The following PLCB2 variants were observed in gnomAD, a reference collection of about 807,000 sequenced individuals.
The protein encoded by PLCB2 is phospholipase C beta 2.
In PLCB2, 115 loss-of-function variants were observed where a neutral mutation model predicts 141.7. That is an observed-to-expected ratio of 0.81 (90% CI 0.70 to 0.95). The LOEUF (loss-of-function observed/expected upper bound fraction) is 0.95. PLCB2 is among the 40% of genes least tolerant of loss of function. PLCB2 has a pLI of 0.00. For missense variants in PLCB2, 1,403 were observed against 1,541.1 expected (o/e 0.91, Z 1.50); for synonymous variants, 603 against 595.6 (o/e 1.01, Z -0.18).
In PLCB2 at chr15:40,289,369, G is replaced by A. The variant is rs1595624497; in HGVS notation, c.3268-11C>T. ...CAAGTTCTCCGTCATCTGGGTGGGA[G>A]TGGATGGCAGAGAATCAGGACAACA... On this transcript the variant is annotated splice_polypyrimidine_tract_variant and intron_variant, in intron 30 of 31. Transcript: ENST00000260402. 2.5e-6 allele frequency: 4 copies of A among 1,605,500 alleles called. No homozygotes were observed. Among genetic ancestry groups the A allele is most frequent in the Non-Finnish European group, 3.4e-6 (4 of 1,172,308 alleles).
Position 40,293,595 on chromosome 15 carries a change from G to T in PLCB2, c.2191C>A (p.Pro731Thr). 1.9e-6 allele frequency: 3 copies of T among 1,614,084 alleles called. No homozygotes were observed. Among genetic ancestry groups the T allele is most frequent in the Non-Finnish European group, 2.5e-6 (3 of 1,179,978 alleles). The change falls in exon 20 of 32, where the codon CCT becomes ACT. Residue 731 changes from proline (P) to threonine (T), a missense_variant. Coordinates refer to ENST00000260402, the MANE Select transcript of PLCB2 (RefSeq NM_004573.3). ...ACAAAGGGCTCCTCCTTCCAGACAG[G>T]ATTGATGGAGTTAGTACTGGGTGAC... The part of the protein sequence containing the change: ...KLSPSTNSIN[P>T]VWKEEPFVFE...
intron 1 of PLCB2, among the ~76,000 whole-genome samples, chr15:40,305,390 G>A (rs1405586088): frequency 1.3e-5 from 2 of 152,042 alleles, no homozygotes; most frequent in Non-Finnish European, 2.9e-5. Context: ...GAAGTTGTAG[G>A]CATAACAGAC....
rs2039855459 is a variant in PLCB2 at position 40,290,855 on chromosome 15, A to G, written c.3037-18T>C. 6.2e-7 allele frequency: 1 copy of G among 1,606,678 alleles called. No individual in the cohort carries two copies. Among genetic ancestry groups the G allele is most frequent in the Non-Finnish European group, 8.5e-7 (1 of 1,177,174 alleles). Reference sequence around the variant, plus strand: ...GAGATTTGCTGCAGGGAGAGGAAGTAAGCTTGGCGAGAAGCCCTTTGTTGT... The same window carrying G: ...GAGATTTGCTGCAGGGAGAGGAAGTGAGCTTGGCGAGAAGCCCTTTGTTGT... On this transcript the variant is annotated intron_variant, in intron 27 of 31. Coordinates refer to ENST00000260402, the MANE Select transcript of PLCB2 (RefSeq NM_004573.3).
At chr15:40,291,514 A>C (rs2039924177) in intron 25 of PLCB2, 27 bp from the exon 26 acceptor site, 1 of 1,597,768 alleles carries the variant, frequency 6.3e-7, no homozygotes, top group Non-Finnish European at 8.5e-7. Flanking sequence ...GAGGCGCAAC[A>C]CCGGCCAGGC....
At chr15:40,284,764 T>C (rs562803097), downstream of PLCB2, among the ~76,000 whole-genome samples, 169 of 128,178 alleles carry the variant, frequency 1.3e-3, no homozygotes, top group South Asian at 2.3e-3. Flanking sequence ...TGCTTGAACC[T>C]GGGAGGCAGA....
chr15:40,298,185 A>C (rs1369105676), intron 11 of PLCB2, 38 bp downstream of exon 11: 3 of 1,527,636 alleles, frequency 2.0e-6, no homozygotes, highest in Admixed American at 4.2e-5. Flanking sequence ...GCCCTTCCCT[A>C]CTGCCACGGC....
intron 11 of PLCB2, 30 bp downstream of exon 11, chr15:40,298,193 G>T (rs372001952): frequency 6.5e-7 from 1 of 1,531,104 alleles, no homozygotes; most frequent in African/African-American, 1.4e-5. Context: ...CTACTGCCAC[G>T]GCCACCAGCC....
chr15:40,307,600 T>C lies in PLCB2; in HGVS notation c.73A>G (p.Lys25Glu). Reference protein sequence around the residue: ...AYLSQGERFIKWDDETTVASP... With the variant: ...AYLSQGERFIEWDDETTVASP... Reference sequence around the variant, plus strand: ...CCTGCCCCACTTACATCATCCCATTTGATGAAGCGCTCCCCTTGGCTCAGA... The same window carrying C: ...CCTGCCCCACTTACATCATCCCATTCGATGAAGCGCTCCCCTTGGCTCAGA... The change falls in exon 1 of 32, where the codon AAA becomes GAA. Residue 25 changes from lysine (K) to glutamate (E), a missense_variant. Coordinates refer to ENST00000260402, the MANE Select transcript of PLCB2 (RefSeq NM_004573.3). 6.3e-7 allele frequency: 1 copy of C among 1,586,798 alleles called. No individual in the cohort carries two copies. The highest frequency in any genetic ancestry group is 2.3e-5 in the East Asian group (1 of 42,992).
intron 21 of PLCB2, among the ~76,000 whole-genome samples, chr15:40,292,672 G>A (rs762034087): frequency 6.6e-6 from 1 of 152,194 alleles, no homozygotes; most frequent in Non-Finnish European, 1.5e-5. Context: ...TAAGCCCTTA[G>A]CAAATTTTAA....
chr15:40,284,706 G>A (rs2039584373), downstream of PLCB2, among the ~76,000 whole-genome samples: 1 of 152,060 alleles, frequency 6.6e-6, no homozygotes, highest in East Asian at 1.9e-4. Context: ...TGGGCGCGGT[G>A]GCACGCGCCT....
At chr15:40,305,284 T>G (rs1452383466) in intron 1 of PLCB2, among the ~76,000 whole-genome samples, 1 of 151,910 alleles carries the variant, frequency 6.6e-6, no homozygotes, top group Non-Finnish European at 1.5e-5. Flanking sequence ...CCTGTCAACC[T>G]GTCATCTAGG....
downstream of PLCB2, among the ~76,000 whole-genome samples, chr15:40,286,851 G>GCATAGCAGAGA (rs2039619318): frequency 1.3e-5 from 2 of 152,226 alleles, no homozygotes; most frequent in African/African-American, 4.8e-5. Flanking sequence ...AGGCCTCTCC[G>GCATAGCAGAGA]GGGGCAGGAT....
rs28395844 is a variant in PLCB2, at chr15:40,296,947, T to A, written c.1324-39A>T. The A allele has an allele frequency of 1.9e-6, 3 of 1,607,622 alleles. No homozygotes were observed. In the African/African-American group the frequency reaches 4.0e-5, roughly 22 times the overall value. ...AGCAGGTCAGCACCATCTTCTCACC[T>A]TCATGGCATAGCCTGAGCTCCTTAT... On this transcript the variant is annotated intron_variant, in intron 13 of 31. Transcript: ENST00000260402.
chr15:40,302,598 G>T lies in PLCB2; in HGVS notation c.243C>A (p.Leu81=). The T allele has an allele frequency of 6.2e-7, 1 of 1,614,182 alleles. No homozygotes were observed. The highest frequency in any genetic ancestry group is 8.5e-7 in the Non-Finnish European group (1 of 1,180,010). The change falls in exon 4 of 32, where the codon CTC becomes CTA. Residue 81 remains leucine, a synonymous_variant. Coordinates refer to ENST00000260402, the MANE Select transcript of PLCB2 (RefSeq NM_004573.3). ...KFAKMPKSQK[L]RDVFNMDFPD... Reference sequence around the variant, plus strand: ...GAAAGTCCATGTTGAAGACGTCCCGGAGCTTCTGGCTCTGCAGCACGTGGT... The same window carrying T: ...GAAAGTCCATGTTGAAGACGTCCCGTAGCTTCTGGCTCTGCAGCACGTGGT...
chr15:40,286,147 C>T (rs748711420), downstream of PLCB2: 49 of 610,874 alleles, frequency 8.0e-5, no homozygotes, highest in Non-Finnish European at 9.2e-5. Flanking sequence ...CACCAACAGC[C>T]GGAATTAGAA....
intron 18 of PLCB2, 67 bp from the exon 19 acceptor site, chr15:40,294,487 C>T: frequency 6.5e-7 from 1 of 1,541,774 alleles, no homozygotes; most frequent in East Asian, 2.2e-5. Context: ...TCCATTTCCT[C>T]CATTCCCAGC....
In PLCB2 at chr15:40,291,403, T is replaced by A. The variant is rs1476880023; in HGVS notation, c.2732A>T (p.Glu911Val). 2 of 1,536,102 alleles carry A rather than the reference T, an allele frequency of 1.3e-6. No homozygotes were observed. Among genetic ancestry groups the A allele is most frequent in the African/African-American group, 1.4e-5 (1 of 72,990 alleles). The change falls in exon 26 of 32, where the codon GAG (glutamate) becomes GTG (valine). Residue 911 changes from glutamate (E) to valine (V), a missense_variant. Glu to Val is a moderately radical substitution (Grantham distance 121). This residue lies in a region of PLCB2 where 290 missense variants were observed against 245.9 expected (regional missense o/e 1.18). Transcript: ENST00000260402. ...LQRRHEKELR[E>V]LERRGARRWE... is the part of the protein sequence containing the mutation. ...GCGCCGCGCTCCGCGCCGCTCCAAC[T>A]CTCGCAGCTCCTTCTCGTGCCGCCG...
chr15:40,299,281 AC>A, intron 7 of PLCB2, 53 bp from the exon 8 acceptor site: 1 of 1,276,034 alleles, frequency 7.8e-7, no homozygotes, highest in Non-Finnish European at 1.1e-6. Context: ...AGAGCTAAGA[AC>A]CACAAACTCG....
chr15:40,290,564 C>A lies in PLCB2; in HGVS notation c.3209+13G>T. ...GGGTCTGCCCAGCCCTGGGCCTCCC[C>A]TCCAGGGCTCACCTCTCCTGGGCCA... On this transcript the variant is annotated intron_variant, in intron 29 of 31. Coordinates refer to ENST00000260402, the MANE Select transcript of PLCB2 (RefSeq NM_004573.3). The A allele has an allele frequency of 6.2e-7, 1 of 1,601,976 alleles. No homozygotes were observed. The highest frequency in any genetic ancestry group is 2.2e-5 in the East Asian group (1 of 44,822).
Sources: allele counts gnomAD v4.1 joint callset (sites outside exome capture counted in the v4.1 genomes callset), GRCh38; gene constraint gnomAD v4.1.1; regional missense constraint gnomAD v4.1.1; transcripts MANE v1.5; gene names NCBI Gene and HGNC (gene_info 2026-07-23, HGNC 2026-07-21).